SYNPR: variants seen among roughly 807,000 people sequenced by gnomAD.
SYNPR encodes the protein synaptoporin.
Under a neutral mutation model 32.9 loss-of-function variants are expected in SYNPR, and 23 were observed. That is an observed-to-expected ratio of 0.70 (90% CI 0.50 to 0.99). The LOEUF is 0.99. Among genes scored for constraint, SYNPR ranks in the 50% least tolerant of loss-of-function variants. The pLI, the probability that SYNPR is intolerant of heterozygous loss-of-function variation, is 0.00. For missense variants in SYNPR, 318 were observed against 349.3 expected (o/e 0.91, Z 0.71); for synonymous variants, 146 against 135.9 (o/e 1.07, Z -0.52).
chr3:63,316,471 A>G, intron 2 of SYNPR, among the ~76,000 whole-genome samples: 1 of 151,650 alleles, frequency 6.6e-6, no homozygotes, highest in Non-Finnish European at 1.5e-5. Flanking sequence ...GGAGGGCTGT[A>G]TTTTTCCAGG....
chr3:63,313,634 T>C (rs2086994014), intron 2 of SYNPR, among the ~76,000 whole-genome samples: 1 of 139,756 alleles, frequency 7.2e-6, no homozygotes, highest in Non-Finnish European at 1.5e-5. Flanking sequence ...ACACACACAA[T>C]GAAATACTAC....
Position 63,615,390 on chromosome 3 carries a change from G to A in SYNPR, c.767G>A (p.Ser256Asn). The change falls in exon 6 of 6, where the codon AGT becomes AAT. Residue 256 changes from serine (S) to asparagine (N), a missense_variant. By Grantham distance (46) the Ser-to-Asn change is conservative. Transcript: ENST00000478300. ...GYNQDSYGSS[S>N]GYSQQASLGP... The stretch of plus-strand genomic sequence containing the variant: ...AACCAAGACAGCTATGGATCAAGCA[G>A]TGGGTACAGTCAGCAGGCGAGTTTG... The A allele has an allele frequency of 6.2e-7, 1 of 1,613,970 alleles. No individual in the cohort carries two copies.
intron 2 of SYNPR, among the ~76,000 whole-genome samples, chr3:63,423,995 C>G (rs1186759208): frequency 1.3e-5 from 2 of 152,160 alleles, no homozygotes; most frequent in Non-Finnish European, 2.9e-5. Context: ...CAAGGAAAAT[C>G]TGAGAAACAG....
chr3:63,544,139 A>C (rs1375010989), intron 3 of SYNPR, among the ~76,000 whole-genome samples: 1 of 152,072 alleles, frequency 6.6e-6, no homozygotes, highest in Admixed American at 6.6e-5. Context: ...TGCTGTGCGG[A>C]AAATGAATTC....
intron 2 of SYNPR, among the ~76,000 whole-genome samples, chr3:63,292,292 A>G (rs9857192): frequency 0.46 from 70,706 of 152,062 alleles, 16,621 homozygotes; most frequent in Middle Eastern, 0.52. Flanking sequence ...TGTATATAGC[A>G]TGTAATGCTC....
intron 2 of SYNPR, among the ~76,000 whole-genome samples, chr3:63,256,759 T>C (rs2086387799): frequency 1.3e-5 from 2 of 152,020 alleles, no homozygotes; most frequent in South Asian, 4.1e-4. Context: ...CTTCAGATGA[T>C]CAAACTACTC....
At chr3:63,448,060 G>A (rs1700310796) in intron 2 of SYNPR, among the ~76,000 whole-genome samples, 1 of 151,992 alleles carries the variant, frequency 6.6e-6, no homozygotes, top group Non-Finnish European at 1.5e-5. Flanking sequence ...CTGGAGTGCA[G>A]TGGTGCAATC....
chr3:63,345,568 G>T (rs1374570833), intron 2 of SYNPR, among the ~76,000 whole-genome samples: 1 of 152,084 alleles, frequency 6.6e-6, no homozygotes, highest in African/African-American at 2.4e-5. Context: ...AGGTGACCTT[G>T]CAGGGAAAGA....
In SYNPR at chr3:63,516,019, A is replaced by G. The variant is rs62252782; in HGVS notation, c.209+35063A>G. 2.0e-4 allele frequency among the ~76,000 whole-genome samples: 30 copies of G among 152,006 alleles called. No homozygotes were observed. The East Asian group carries it at 4.9e-3, about 25-fold the overall frequency. ...ATTCGGCTAATATAAACTATGGTAC[A>G]GTCAACATTCTTTATGCACAGTCAT... On this transcript the variant is annotated intron_variant, in intron 3 of 5. Transcript: ENST00000478300.
chr3:63,231,439 G>A (rs2086166136), intron 1 of SYNPR, among the ~76,000 whole-genome samples: 1 of 152,052 alleles, frequency 6.6e-6, no homozygotes, highest in African/African-American at 2.4e-5. Flanking sequence ...GAACTCATCT[G>A]TACACCAAAA....
At chr3:63,350,348 C>G (rs2087491005) in intron 2 of SYNPR, among the ~76,000 whole-genome samples, 1 of 152,172 alleles carries the variant, frequency 6.6e-6, no homozygotes, top group African/African-American at 2.4e-5. Context: ...ACACCAACAT[C>G]TCACTCTCAT....
intron 2 of SYNPR, chr3:63,351,658 T>C (rs1049832436): frequency 2.6e-5 from 4 of 152,204 alleles, no homozygotes; most frequent in South Asian, 4.1e-4. Context: ...ACTGCTTTTA[T>C]AGTAATAGCA....
At chr3:63,540,960 C>CACACACACAT (rs778647610) in intron 3 of SYNPR, among the ~76,000 whole-genome samples, 11 of 147,882 alleles carry the variant, frequency 7.4e-5, no homozygotes, top group African/African-American at 2.7e-4. Context: ...CACACACACA[C>CACACACACAT]ATATACATAG....
chr3:63,350,440 G>T (rs1472599575), intron 2 of SYNPR, among the ~76,000 whole-genome samples: 1 of 152,092 alleles, frequency 6.6e-6, no homozygotes, highest in Non-Finnish European at 1.5e-5. Flanking sequence ...TTTGCAAGTG[G>T]GACTTCAGAC....
intron 3 of SYNPR, among the ~76,000 whole-genome samples, chr3:63,512,800 G>A (rs1701721803): frequency 6.6e-6 from 1 of 152,282 alleles, no homozygotes; most frequent in African/African-American, 2.4e-5. Context: ...ATATAGCATA[G>A]TAAATGTATG....
At chr3:63,453,902 A>G (rs1421844125) in intron 2 of SYNPR, among the ~76,000 whole-genome samples, 3 of 152,202 alleles carry the variant, frequency 2.0e-5, no homozygotes, top group African/African-American at 7.2e-5. Context: ...CAACATAAAG[A>G]GATTTCACAA....
rs140618175 is a variant in SYNPR at position 63,331,520 on chromosome 3, C to G, written c.84+52778C>G. The stretch of plus-strand genomic sequence containing the variant: ...GGAAGAGTAGTAATATACCATAACC[C>G]TCTCTTCTTAAATGCTCACGTATCT... On this transcript the variant is annotated intron_variant, in intron 2 of 5. Coordinates refer to ENST00000478300, the MANE Select transcript of SYNPR (RefSeq NM_001130003.2). 3.3e-3 allele frequency among the ~76,000 whole-genome samples: 498 copies of G among 152,138 alleles called. 2 individuals are homozygous for G. The highest frequency in any genetic ancestry group is 0.011 in the African/African-American group (468 of 41,520).
intron 2 of SYNPR, among the ~76,000 whole-genome samples, chr3:63,457,775 G>A (rs932682566): frequency 6.6e-6 from 1 of 152,084 alleles, no homozygotes; most frequent in South Asian, 2.1e-4. Context: ...TGAATATTTA[G>A]CGAACTTTGG....
At chr3:63,293,325 T>C (rs1373052125) in intron 2 of SYNPR, among the ~76,000 whole-genome samples, 1 of 152,182 alleles carries the variant, frequency 6.6e-6, no homozygotes. Context: ...GTGGAGGGTT[T>C]TTTTGGACAT....
Sources: gnomAD v4.1 joint callset for allele counts (sites outside exome capture counted in the v4.1 genomes callset) on GRCh38, gnomAD v4.1.1 for gene constraint, MANE v1.5 for transcripts, NCBI Gene and HGNC (gene_info 2026-07-23, HGNC 2026-07-21) for gene names.